Variants in STK32B observed in about 807,000 individuals in gnomAD.
STK32B encodes serine/threonine kinase 32B, also known as serine/threonine-protein kinase 32B.
In STK32B, 43 loss-of-function variants were observed where a neutral mutation model predicts 52.6. The observed-to-expected ratio is 0.82, with a 90% confidence interval of 0.64 to 1.05. The LOEUF (loss-of-function observed/expected upper bound fraction) is 1.05, where lower values mean the gene tolerates loss of function less well. Among genes scored for constraint, STK32B ranks in the 50% least tolerant of loss-of-function variants. The probability of loss-of-function intolerance (pLI) is 0.00; values close to 1 mark genes in which losing one functional copy is unlikely to be tolerated. For missense variants in STK32B, 621 were observed against 534.6 expected, an observed-to-expected ratio of 1.16 and a Z score of -1.59; for synonymous variants, 238 against 204.3, an observed-to-expected ratio of 1.17 and a Z score of -1.41.
chr4:5,131,143 T>G (rs1715747266), intron 1 of STK32B, among the ~76,000 whole-genome samples: 1 of 152,168 alleles, frequency 6.6e-6, no homozygotes, highest in Admixed American at 6.5e-5. Flanking sequence ...CTCAGAAAAT[T>G]TGAGGAGAAC....
chr4:5,151,963 T>A (rs1425765595), intron 2 of STK32B, among the ~76,000 whole-genome samples: 1 of 152,226 alleles, frequency 6.6e-6, no homozygotes, highest in East Asian at 1.9e-4. Flanking sequence ...GACCATATGA[T>A]GTGCCTGTGC....
At position 5,452,134 on chromosome 4, in the gene STK32B, C is replaced by A. The variant is rs117323880; in HGVS notation, c.667-4673C>A. 1.2e-4 allele frequency among the ~76,000 whole-genome samples: 19 copies of A among 152,296 alleles called. No individual in the cohort carries two copies. The East Asian group carries it at 3.7e-3, about 29-fold the overall frequency. The stretch of plus-strand genomic sequence containing the variant: ...CATTCTGTGCTTCTTGGTGCCCACT[C>A]CATGGGGACATGAGGACTTTACCCT... On this transcript the variant is annotated intron_variant, in intron 7 of 11. Transcript: ENST00000282908.
At chr4:5,420,044 C>T (rs1232615728) in intron 6 of STK32B, among the ~76,000 whole-genome samples, 1 of 152,072 alleles carries the variant, frequency 6.6e-6, no homozygotes, top group African/African-American at 2.4e-5. Flanking sequence ...TCTTTTAATG[C>T]CCTCGAACAT....
intron 3 of STK32B, among the ~76,000 whole-genome samples, chr4:5,327,863 C>A (rs1731980582): frequency 6.6e-6 from 1 of 152,176 alleles, no homozygotes; most frequent in Non-Finnish European, 1.5e-5. Context: ...CATCTACTTC[C>A]AATATAAAGC....
chr4:5,146,534 C>T (rs1414569860), intron 2 of STK32B, among the ~76,000 whole-genome samples: 5 of 152,170 alleles, frequency 3.3e-5, no homozygotes, highest in Admixed American at 2.0e-4. Context: ...GGTGCCTACC[C>T]GTGTTGCAGG....
upstream of STK32B, among the ~76,000 whole-genome samples, chr4:5,049,647 T>C (rs534986509): frequency 1.1e-4 from 17 of 152,282 alleles, no homozygotes; most frequent in South Asian, 2.9e-3. Context: ...TTTCACTTCT[T>C]TTGTGATTCT....
intron 3 of STK32B, among the ~76,000 whole-genome samples, chr4:5,269,935 A>G (rs1577271253): frequency 6.6e-6 from 1 of 152,198 alleles, no homozygotes; most frequent in Non-Finnish European, 1.5e-5. Flanking sequence ...TATACCAGAA[A>G]TTTAAGGTTG....
At chr4:5,239,374 A>G (rs1331369619) in intron 3 of STK32B, among the ~76,000 whole-genome samples, 1 of 152,174 alleles carries the variant, frequency 6.6e-6, no homozygotes, top group Non-Finnish European at 1.5e-5. Flanking sequence ...GGAGGCAGGC[A>G]GGAGGTCGGC....
At chr4:5,370,090 G>A (rs1396905122) in intron 4 of STK32B, among the ~76,000 whole-genome samples, 1 of 152,074 alleles carries the variant, frequency 6.6e-6, no homozygotes, top group Non-Finnish European at 1.5e-5. Flanking sequence ...TGGTCAGGCT[G>A]TCTCGAACTC....
At chr4:5,223,277 C>T (rs549122881) in intron 3 of STK32B, among the ~76,000 whole-genome samples, 2 of 152,270 alleles carry the variant, frequency 1.3e-5, no homozygotes, top group South Asian at 4.2e-4. Context: ...GAGACTCAGG[C>T]AAAGATCTGC....
chr4:5,229,250 A>C (rs1724086651), intron 3 of STK32B, among the ~76,000 whole-genome samples: 1 of 152,100 alleles, frequency 6.6e-6, no homozygotes, highest in African/African-American at 2.4e-5. Context: ...AACTCTGAAA[A>C]AATTGGTCTC....
At chr4:5,216,390 G>C (rs188257031) in intron 3 of STK32B, among the ~76,000 whole-genome samples, 1 of 152,218 alleles carries the variant, frequency 6.6e-6, no homozygotes, top group South Asian at 2.1e-4. Flanking sequence ...GTATGGTCCA[G>C]TGGAACTTAC....
At chr4:5,070,377 G>A (rs1328960422) in intron 1 of STK32B, among the ~76,000 whole-genome samples, 1 of 152,100 alleles carries the variant, frequency 6.6e-6, no homozygotes, top group Non-Finnish European at 1.5e-5. Flanking sequence ...CAGCCCCTAT[G>A]GAGAGACTGG....
chr4:5,441,963 G>A (rs1238932414), intron 6 of STK32B, among the ~76,000 whole-genome samples: 2 of 127,570 alleles, frequency 1.6e-5, no homozygotes, highest in African/African-American at 6.0e-5. Context: ...ACTGTGGTCT[G>A]AGAGATAGTT....
rs575673564 is a variant in STK32B at position 5,482,065 on chromosome 4, T to C, written c.1106+13995T>C. 6.0e-4 allele frequency among the ~76,000 whole-genome samples: 91 copies of C among 152,298 alleles called. 1 individual carries two copies. In the East Asian group the frequency reaches 0.016, roughly 27 times the overall value. ...TTGGCCTAGGATTGACTTGGCAATG[T>C]GGGCTCTATTTTGGTTCCATATGAA... On this transcript the variant is annotated intron_variant, in intron 11 of 11. Transcript: ENST00000282908.
At chr4:5,235,653 A>G (rs1281770485) in intron 3 of STK32B, among the ~76,000 whole-genome samples, 2 of 152,242 alleles carry the variant, frequency 1.3e-5, no homozygotes, top group Middle Eastern at 3.2e-3. Context: ...ATGACTTGTT[A>G]AAGTACTTGT....
chr4:5,187,377 C>T (rs1720824710), intron 3 of STK32B, among the ~76,000 whole-genome samples: 1 of 152,214 alleles, frequency 6.6e-6, no homozygotes, highest in African/African-American at 2.4e-5. Flanking sequence ...TTGTCCATCA[C>T]CTACAGCACA....
chr4:5,117,866 G>C (rs1335413454), intron 1 of STK32B, among the ~76,000 whole-genome samples: 1 of 151,958 alleles, frequency 6.6e-6, no homozygotes, highest in East Asian at 1.9e-4. Flanking sequence ...TTACAGATTT[G>C]TGTATGTTGA....
At chr4:5,028,877 A>T in the STK32B span, among the ~76,000 whole-genome samples, 2 of 152,230 alleles carry the variant, frequency 1.3e-5, no homozygotes, top group Non-Finnish European at 2.9e-5. Flanking sequence ...GGTAAGCTAT[A>T]CAGGAAGCAT....
Sources: gnomAD v4.1 joint callset for allele counts (sites outside exome capture counted in the v4.1 genomes callset) on GRCh38, gnomAD v4.1.1 for gene constraint, MANE v1.5 for transcripts, NCBI Gene and HGNC (gene_info 2026-07-23, HGNC 2026-07-21) for gene names.